CDH4: variants seen among roughly 807,000 people sequenced by gnomAD.
The protein encoded by CDH4 is cadherin 4.
In CDH4, 33 loss-of-function variants were observed where a neutral mutation model predicts 86.0. That is an observed-to-expected ratio of 0.38 (90% CI 0.29 to 0.51). The LOEUF is 0.51. Among genes scored for constraint, CDH4 ranks in the 20% least tolerant of loss-of-function variants. The pLI, the probability that CDH4 is intolerant of heterozygous loss-of-function variation, is 0.86. For missense variants in CDH4, 1,114 were observed against 1,307.4 expected, an observed-to-expected ratio of 0.85 and a Z score of 2.28; for synonymous variants, 555 against 549.4, an observed-to-expected ratio of 1.01 and a Z score of -0.14.
intron 2 of CDH4, among the ~76,000 whole-genome samples, chr20:61,550,193 C>CCTGGCCTCCCTGCCCCAACCTCA (rs2086118651): frequency 7.3e-6 from 1 of 137,152 alleles, no homozygotes; most frequent in Non-Finnish European, 1.7e-5. Context: ...AGCCTGCTTC[C>CCTGGCCTCCCTGCCCCAACCTCA]CTGGCCTCCC....
At chr20:61,920,677 C>CACT (rs2054968578) in intron 9 of CDH4, among the ~76,000 whole-genome samples, 1 of 139,482 alleles carries the variant, frequency 7.2e-6, no homozygotes, top group African/African-American at 2.8e-5. Context: ...TGCATGGAAG[C>CACT]GTGGTGTCGT....
At chr20:61,701,443 AT>A (rs1228073471) in intron 2 of CDH4, among the ~76,000 whole-genome samples, 1 of 152,204 alleles carries the variant, frequency 6.6e-6, no homozygotes, top group African/African-American at 2.4e-5. Flanking sequence ...GCTGGTGGAC[AT>A]CTGGGCTTGT....
At chr20:61,619,302 C>G (rs2145771279) in intron 2 of CDH4, among the ~76,000 whole-genome samples, 1 of 152,336 alleles carries the variant, frequency 6.6e-6, no homozygotes, top group South Asian at 2.1e-4. Context: ...CGCGTGCCCC[C>G]CACTCCTTCA....
At chr20:61,644,467 C>T (rs1248371032) in intron 2 of CDH4, among the ~76,000 whole-genome samples, 1 of 152,208 alleles carries the variant, frequency 6.6e-6, no homozygotes, top group East Asian at 1.9e-4. Flanking sequence ...CCCTGCACCC[C>T]TCAAGTCCTG....
chr20:61,648,642 G>A (rs1193327610), intron 2 of CDH4, among the ~76,000 whole-genome samples: 1 of 152,200 alleles, frequency 6.6e-6, no homozygotes, highest in Non-Finnish European at 1.5e-5. Flanking sequence ...CCACTGCAGG[G>A]GGTGAATGGC....
At chr20:61,808,180 G>A (rs1980240900) in intron 4 of CDH4, among the ~76,000 whole-genome samples, 1 of 151,936 alleles carries the variant, frequency 6.6e-6, no homozygotes, top group South Asian at 2.1e-4. Flanking sequence ...GGCTCTGGCA[G>A]GAACAGAGCT....
At chr20:61,270,176 G>T (rs943699429) in intron 2 of CDH4, among the ~76,000 whole-genome samples, 2 of 152,222 alleles carry the variant, frequency 1.3e-5, no homozygotes, top group African/African-American at 2.4e-5. Context: ...GAGAGAGGCG[G>T]CAGTGAACGT....
chr20:61,699,872 G>T (rs2087756481), intron 2 of CDH4, among the ~76,000 whole-genome samples: 2 of 152,208 alleles, frequency 1.3e-5, no homozygotes, highest in African/African-American at 4.8e-5. Context: ...GGGCTCAGCT[G>T]CATGGGCTGG....
intron 2 of CDH4, among the ~76,000 whole-genome samples, chr20:61,668,815 A>G (rs1209090284): frequency 2.0e-5 from 3 of 152,172 alleles, no homozygotes; most frequent in African/African-American, 7.2e-5. Flanking sequence ...GCTGAGTGCT[A>G]TTGCAGAATC....
intron 4 of CDH4, among the ~76,000 whole-genome samples, chr20:61,775,295 G>C (rs181135482): frequency 1.6e-3 from 237 of 152,260 alleles, no homozygotes; most frequent in Admixed American, 1.9e-3. Context: ...ATTCCTCTTT[G>C]AAGGTCATCA....
At chr20:61,488,637 AAGAG>A (rs1351143755) in intron 2 of CDH4, among the ~76,000 whole-genome samples, 2 of 152,118 alleles carry the variant, frequency 1.3e-5, no homozygotes, top group Non-Finnish European at 2.9e-5. Flanking sequence ...GGAGAGACAA[AAGAG>A]AGAGAGAGAA....
intron 3 of CDH4, among the ~76,000 whole-genome samples, chr20:61,757,236 C>A (rs1181276691): frequency 1.3e-5 from 2 of 151,854 alleles, no homozygotes; most frequent in Admixed American, 1.3e-4. Flanking sequence ...AACACAGACC[C>A]CCCCCCCAGC....
intron 2 of CDH4, among the ~76,000 whole-genome samples, chr20:61,291,312 C>T (rs2084319360): frequency 1.3e-5 from 2 of 152,186 alleles, no homozygotes; most frequent in Admixed American, 1.3e-4. Context: ...ACAGGATCAC[C>T]CCGGCGGGTC....
intron 2 of CDH4, among the ~76,000 whole-genome samples, chr20:61,277,827 C>A (rs757216543): frequency 6.6e-6 from 1 of 152,174 alleles, no homozygotes; most frequent in Non-Finnish European, 1.5e-5. Context: ...GGACGGCCTC[C>A]GCTTTCCTGT....
At position 61,734,460 on chromosome 20, in the gene CDH4, C is replaced by T. The variant is rs1434134812; in HGVS notation, c.170-9103C>T. Reference sequence around the variant, plus strand: ...CAAAGAAAAGCACCGTGGCAGTGCGCTTGTGACATGCTTTGCATTGGGGCA... The same window carrying T: ...CAAAGAAAAGCACCGTGGCAGTGCGTTTGTGACATGCTTTGCATTGGGGCA... On this transcript the variant is annotated intron_variant, in intron 2 of 15. Transcript: ENST00000614565. Among the ~76,000 whole-genome samples the T allele has an allele frequency of 5.3e-5, 8 of 152,254 alleles. 1 individual carries two copies. In the South Asian group the frequency reaches 1.7e-3, roughly 32 times the overall value.
intron 2 of CDH4, among the ~76,000 whole-genome samples, chr20:61,450,742 G>A (rs866602485): frequency 4.0e-5 from 6 of 151,516 alleles, no homozygotes; most frequent in Admixed American, 6.6e-5. Flanking sequence ...CAAACTGCTC[G>A]GTGGCCACTG....
In CDH4 at chr20:61,938,605, C is replaced by G. The variant is rs899286799; in HGVS notation, c.*1662C>G. ...CAGGGAGCCCTCCCGGAGCCCCACC[C>G]TGCACCTGCCACTGGGGTCAGGGAG... On this transcript the variant is annotated 3_prime_UTR_variant, in exon 16 of 16. Transcript: ENST00000614565. 3 of 152,342 alleles carry G rather than the reference C, an allele frequency of 2.0e-5. No homozygotes were observed. The highest frequency in any genetic ancestry group is 4.4e-5 in the Non-Finnish European group (3 of 68,170). The allele number at this position is 152,342 out of a possible 1,614,324, so 9.4% of individuals were successfully genotyped here.
chr20:61,519,775 G>T (rs2085855009), intron 2 of CDH4, among the ~76,000 whole-genome samples: 1 of 152,244 alleles, frequency 6.6e-6, no homozygotes, highest in South Asian at 2.1e-4. Context: ...AGACTGCGTG[G>T]TGGTGGTATA....
intron 2 of CDH4, among the ~76,000 whole-genome samples, chr20:61,695,557 C>T (rs557595264): frequency 2.6e-5 from 4 of 152,272 alleles, no homozygotes; most frequent in South Asian, 2.1e-4. Context: ...CAGAGGAATC[C>T]GAGGTCTGCC....
Sources: gnomAD v4.1 joint callset for allele counts (sites outside exome capture counted in the v4.1 genomes callset) on GRCh38, gnomAD v4.1.1 for gene constraint, MANE v1.5 for transcripts, NCBI Gene and HGNC (gene_info 2026-07-23, HGNC 2026-07-21) for gene names.